ROBO2: variants seen among roughly 807,000 people sequenced by gnomAD.
ROBO2 encodes the protein roundabout homolog 2.
Under a neutral mutation model 160.8 loss-of-function variants are expected in ROBO2, and 53 were observed. The ratio of observed to expected loss-of-function variants is 0.33; its 90% CI spans 0.26 to 0.41. The LOEUF (loss-of-function observed/expected upper bound fraction) is 0.41. Ranked by LOEUF, ROBO2 falls within the 10% of genes least tolerant of loss-of-function variation. ROBO2 has a pLI of 1.00. For missense variants in ROBO2, 1,577 were observed against 1,722.4 expected, an observed-to-expected ratio of 0.92 and a Z score of 1.49; for synonymous variants, 664 against 611.7, an observed-to-expected ratio of 1.09 and a Z score of -1.26.
chr3:76,045,133 T>C (rs1179495873), intron 2 of ROBO2, among the ~76,000 whole-genome samples: 2 of 152,038 alleles, frequency 1.3e-5, no homozygotes, highest in Non-Finnish European at 2.9e-5. Flanking sequence ...TAAACTCCTG[T>C]TACATTTTGT....
At chr3:76,376,110 T>G (rs1007248429) in intron 2 of ROBO2, among the ~76,000 whole-genome samples, 2 of 152,136 alleles carry the variant, frequency 1.3e-5, no homozygotes, top group African/African-American at 4.8e-5. Flanking sequence ...TGTTGAATGC[T>G]TTTCTATCTT....
At chr3:77,511,363 T>C (rs1387546122) in intron 5 of ROBO2, among the ~76,000 whole-genome samples, 3 of 151,800 alleles carry the variant, frequency 2.0e-5, no homozygotes, top group Non-Finnish European at 4.4e-5. Flanking sequence ...CAGCTGAAGT[T>C]TGGTTTCATT....
chr3:76,557,785 T>A (rs1369312036), intron 2 of ROBO2, among the ~76,000 whole-genome samples: 2 of 151,842 alleles, frequency 1.3e-5, no homozygotes, highest in East Asian at 3.9e-4. Context: ...TTCCGTCACT[T>A]GAAAATTCTT....
chr3:76,738,840 GT>G (rs10707050), intron 2 of ROBO2, among the ~76,000 whole-genome samples: 102,172 of 151,584 alleles, frequency 0.67, 34,835 homozygotes, highest in African/African-American at 0.79. Flanking sequence ...TCTCTTGATT[GT>G]TTTTTTTTCT....
chr3:77,592,788 G>T (rs893045491), intron 17 of ROBO2, among the ~76,000 whole-genome samples: 4 of 152,128 alleles, frequency 2.6e-5, no homozygotes, highest in Non-Finnish European at 5.9e-5. Context: ...CTGACCTCGT[G>T]ATCCACCCCC....
intron 2 of ROBO2, among the ~76,000 whole-genome samples, chr3:77,409,823 A>G (rs2076558726): frequency 6.6e-6 from 1 of 152,198 alleles, no homozygotes; most frequent in Non-Finnish European, 1.5e-5. Flanking sequence ...TATAAGACCA[A>G]GGAAAGAATC....
Position 77,324,713 on chromosome 3 carries a change from C to T in ROBO2, c.389-152701C>T, listed in dbSNP as rs1179519718. 3.5e-5 allele frequency among the ~76,000 whole-genome samples: 5 copies of T among 143,540 alleles called. No homozygotes were observed. In the Admixed American group the frequency reaches 3.7e-4, roughly 11 times the overall value. 94.2% of individuals were successfully genotyped at this position (143,540 alleles called of 152,430 possible). On this transcript the variant is annotated intron_variant, in intron 2 of 25. Coordinates refer to ENST00000461745, the Ensembl canonical transcript of ROBO2. Reference sequence around the variant, plus strand: ...AGGAGAATGGCGTGAACCTGGGAGGCGGAGCTTGCAGTGAGCCGAGATCGC... The same window carrying T: ...AGGAGAATGGCGTGAACCTGGGAGGTGGAGCTTGCAGTGAGCCGAGATCGC...
chr3:76,430,635 A>G (rs1385522431), intron 2 of ROBO2, among the ~76,000 whole-genome samples: 2 of 152,048 alleles, frequency 1.3e-5, no homozygotes, highest in African/African-American at 4.8e-5. Flanking sequence ...TAAATGGCAC[A>G]TTTTTCCCTG....
chr3:76,324,844 A>C (rs959252712), intron 2 of ROBO2, among the ~76,000 whole-genome samples: 2 of 152,214 alleles, frequency 1.3e-5, no homozygotes, highest in Non-Finnish European at 2.9e-5. Flanking sequence ...TAGGAATATT[A>C]AAAACAGATC....
chr3:76,790,100 G>T (rs2108719558), intron 2 of ROBO2, among the ~76,000 whole-genome samples: 1 of 151,780 alleles, frequency 6.6e-6, no homozygotes, highest in African/African-American at 2.4e-5. Flanking sequence ...ATATGTGTTT[G>T]ACTAGAATCA....
intron 2 of ROBO2, among the ~76,000 whole-genome samples, chr3:77,147,533 A>T (rs1407743583): frequency 6.6e-6 from 1 of 152,232 alleles, no homozygotes; most frequent in Non-Finnish European, 1.5e-5. Flanking sequence ...TACTTTCAAA[A>T]ATAAATTGTA....
chr3:77,205,463 C>G (rs2151051362), intron 2 of ROBO2, among the ~76,000 whole-genome samples: 1 of 152,016 alleles, frequency 6.6e-6, no homozygotes, highest in East Asian at 2.0e-4. Context: ...CTCCTTGCCT[C>G]CTTCTCTGCT....
At chr3:77,470,711 A>C (rs958262007) in intron 2 of ROBO2, among the ~76,000 whole-genome samples, 1 of 152,208 alleles carries the variant, frequency 6.6e-6, no homozygotes, top group Admixed American at 6.5e-5. Flanking sequence ...TATTATATAT[A>C]TGGATAAGTA....
At position 76,151,452 on chromosome 3, in the gene ROBO2, A is replaced by G. The variant is rs78131449; in HGVS notation, c.109+213850A>G. ...AATTTCCAAAGCTCTAATTTTAAGA[A>G]TGCTCTTTTTATATGATGAGCTAAT... On this transcript the variant is annotated intron_variant, in intron 2 of 26. Coordinates refer to the ROBO2 transcript ENST00000487694. 4.3e-3 allele frequency among the ~76,000 whole-genome samples: 662 copies of G among 152,272 alleles called. 11 individuals carry two copies. Among genetic ancestry groups the G allele is most frequent in the East Asian group, 0.034 (175 of 5,178 alleles).
At chr3:76,294,564 CT>C (rs1333991914) in intron 2 of ROBO2, among the ~76,000 whole-genome samples, 5 of 152,122 alleles carry the variant, frequency 3.3e-5, no homozygotes, top group African/African-American at 1.2e-4. Context: ...TTGTGCTTTT[CT>C]TTTGTATCCT....
At chr3:77,047,322 G>A (rs1272497218) in intron 1 of ROBO2, among the ~76,000 whole-genome samples, 4 of 152,122 alleles carry the variant, frequency 2.6e-5, no homozygotes, top group African/African-American at 9.7e-5. Flanking sequence ...GTCCTTACCT[G>A]TAAAATGGGC....
chr3:77,481,799 A>C (rs187389181), intron 4 of ROBO2, among the ~76,000 whole-genome samples: 2 of 152,296 alleles, frequency 1.3e-5, no homozygotes, highest in East Asian at 3.9e-4. Context: ...GGTTAAATGC[A>C]ATTAATAGGT....
At chr3:77,067,625 A>G (rs2066993911) in intron 1 of ROBO2, among the ~76,000 whole-genome samples, 1 of 152,188 alleles carries the variant, frequency 6.6e-6, no homozygotes, top group South Asian at 2.1e-4. Context: ...TGCTTGATAT[A>G]GACTCAGTGC....
At chr3:77,247,170 T>G (rs2089823456) in intron 2 of ROBO2, among the ~76,000 whole-genome samples, 1 of 152,226 alleles carries the variant, frequency 6.6e-6, no homozygotes, top group Admixed American at 6.5e-5. Context: ...TTTTAAGTTT[T>G]CCATGCTAAG....
Sources: gnomAD v4.1 joint callset for allele counts (sites outside exome capture counted in the v4.1 genomes callset) on GRCh38, gnomAD v4.1.1 for gene constraint, MANE v1.5 for transcripts, NCBI Gene and HGNC (gene_info 2026-07-23, HGNC 2026-07-21) for gene names.